ADRA1B: variants seen among roughly 807,000 people sequenced by gnomAD.
The protein encoded by ADRA1B is adrenoceptor alpha 1B.
ADRA1B carries 17 observed loss-of-function variants against 17.9 expected under a neutral mutation model. The observed-to-expected ratio is 0.95, with a 90% confidence interval of 0.65 to 1.42. The LOEUF is 1.42. Among genes scored for constraint, ADRA1B ranks in the 40% most tolerant of loss-of-function variants. The pLI, the probability that ADRA1B is intolerant of heterozygous loss-of-function variation, is 0.00. For synonymous variants in ADRA1B, 366 were observed against 327.6 expected, an observed-to-expected ratio of 1.12 and a Z score of -1.27; for missense variants, 681 against 722.1, an observed-to-expected ratio of 0.94 and a Z score of 0.65.
chr5:159,940,448 T>C (rs1755095966), intron 1 of ADRA1B, among the ~76,000 whole-genome samples: 1 of 152,110 alleles, frequency 6.6e-6, no homozygotes, highest in Non-Finnish European at 1.5e-5. Context: ...GAATCACCCT[T>C]ACTCCTGATG....
chr5:159,982,280 A>G, the ADRA1B span, among the ~76,000 whole-genome samples: 15 of 152,234 alleles, frequency 9.9e-5, no homozygotes, highest in South Asian at 2.1e-4. Context: ...GTCTTGACAG[A>G]GCTAATGAAA....
intron 1 of ADRA1B, among the ~76,000 whole-genome samples, chr5:159,901,616 T>C (rs1466348912): frequency 6.6e-6 from 1 of 152,196 alleles, no homozygotes; most frequent in Admixed American, 6.5e-5. Context: ...GGGCTTCTTG[T>C]TCATCTCAGC....
At chr5:159,983,638 C>T in the ADRA1B span, among the ~76,000 whole-genome samples, 7 of 152,164 alleles carry the variant, frequency 4.6e-5, no homozygotes, top group African/African-American at 1.7e-4. Flanking sequence ...TTGATTGTGT[C>T]TGCTGCATTA....
At chr5:159,928,861 G>A (rs1254127824) in intron 1 of ADRA1B, among the ~76,000 whole-genome samples, 1 of 152,152 alleles carries the variant, frequency 6.6e-6, no homozygotes, top group East Asian at 1.9e-4. Flanking sequence ...TGGGGAGGAG[G>A]AGGATCCACC....
chr5:159,970,196 T>C (rs1755843920), intron 1 of ADRA1B, among the ~76,000 whole-genome samples: 1 of 152,208 alleles, frequency 6.6e-6, no homozygotes, highest in African/African-American at 2.4e-5. Context: ...ATTATATTGA[T>C]TTATTTCCTT....
chr5:159,956,924 G>A lies in ADRA1B; in HGVS notation c.950-14955G>A, dbSNP rs553326175. On this transcript the variant is annotated intron_variant, in intron 1 of 1. Coordinates refer to ENST00000306675, the MANE Select transcript of ADRA1B (RefSeq NM_000679.4). ...GTCTTGCTCTGTCACCCAGGCTGGA[G>A]TGCAATGGTGCAATCTCGGCTCACT... Among the ~76,000 whole-genome samples, 317 of 152,148 alleles carry A rather than the reference G, an allele frequency of 2.1e-3. 3 individuals carry two copies. The highest frequency in any genetic ancestry group is 7.4e-3 in the African/African-American group (306 of 41,492).
the ADRA1B span, among the ~76,000 whole-genome samples, chr5:159,984,592 AT>A: frequency 6.6e-6 from 1 of 152,202 alleles, no homozygotes; most frequent in Non-Finnish European, 1.5e-5. Flanking sequence ...AGCTACCAGA[AT>A]GATCTCTTTG....
At chr5:159,976,353 C>A (rs996919556), downstream of ADRA1B, among the ~76,000 whole-genome samples, 1 of 151,986 alleles carries the variant, frequency 6.6e-6, no homozygotes, top group Non-Finnish European at 1.5e-5. Flanking sequence ...AAATTTATCA[C>A]GGAGTAAAAG....
Position 159,898,637 on chromosome 5 carries a change from G to A in ADRA1B, c.-255-17482G>A, listed in dbSNP as rs574338311. ...CAGTCACTATCTAAAGATTTTATCT[G>A]CATTTTTGCATTTAATCCTTAAAGC... is the stretch of plus-strand genomic sequence containing the variant. On this transcript the variant is annotated intron_variant, in intron 1 of 2. Transcript: ENST00000641205. Among the ~76,000 whole-genome samples, 16 of 152,280 alleles carry A rather than the reference G, an allele frequency of 1.1e-4. No individual in the cohort carries two copies. The South Asian group carries it at 3.1e-3, about 30-fold the overall frequency.
intron 1 of ADRA1B, among the ~76,000 whole-genome samples, chr5:159,895,467 C>T (rs1754031955): frequency 6.6e-6 from 1 of 152,190 alleles, no homozygotes; most frequent in East Asian, 1.9e-4. Context: ...GACAAGGGGA[C>T]ACCAAAGTTA....
At chr5:159,950,253 C>T (rs1755395053) in intron 1 of ADRA1B, among the ~76,000 whole-genome samples, 1 of 152,024 alleles carries the variant, frequency 6.6e-6, no homozygotes, top group South Asian at 2.1e-4. Flanking sequence ...AGTGATCTGC[C>T]CTTTTGGGTG....
intron 1 of ADRA1B, among the ~76,000 whole-genome samples, chr5:159,945,873 A>G (rs777935865): frequency 6.0e-4 from 91 of 151,322 alleles, no homozygotes; most frequent in Non-Finnish European, 1.2e-3. Context: ...TCAGCCTCCC[A>G]AGTAGCTGGG....
In ADRA1B at chr5:159,883,035, A is replaced by T. The variant is rs181838263; in HGVS notation, c.-256+17829A>T. Among the ~76,000 whole-genome samples, 3 of 152,286 alleles carry T rather than the reference A, an allele frequency of 2.0e-5. No individual in the cohort carries two copies. The East Asian group carries it at 5.8e-4, about 29-fold the overall frequency. The stretch of plus-strand genomic sequence containing the variant: ...ATGACCACCTCTTTACTGGCCACTG[A>T]CATTCTCTTGTGCCAGTTGCTGGTT... On this transcript the variant is annotated intron_variant, in intron 1 of 2. Coordinates refer to the ADRA1B transcript ENST00000641205.
At chr5:159,892,843 G>A (rs1167998829) in intron 1 of ADRA1B, among the ~76,000 whole-genome samples, 1 of 152,198 alleles carries the variant, frequency 6.6e-6, no homozygotes, top group East Asian at 1.9e-4. Flanking sequence ...CCTTTGGGCA[G>A]ATACCCAGTA....
At chr5:159,893,658 C>G (rs1754010442) in intron 1 of ADRA1B, among the ~76,000 whole-genome samples, 1 of 152,206 alleles carries the variant, frequency 6.6e-6, no homozygotes, top group Non-Finnish European at 1.5e-5. Flanking sequence ...TATTTCCTAG[C>G]TTTCTGCTGC....
chr5:159,947,769 T>A, intron 1 of ADRA1B: 1 of 985,412 alleles, frequency 1.0e-6, no homozygotes, highest in Non-Finnish European at 1.2e-6. Context: ...ACAATTTAAA[T>A]CTCTCCAGCC....
At chr5:159,883,533 C>T (rs923653430) in intron 1 of ADRA1B, among the ~76,000 whole-genome samples, 2 of 152,186 alleles carry the variant, frequency 1.3e-5, no homozygotes, top group African/African-American at 4.8e-5. Context: ...ACAGTCAGTG[C>T]CAACATGTTC....
At chr5:159,936,039 T>C (rs1754945656) in intron 1 of ADRA1B, among the ~76,000 whole-genome samples, 1 of 152,216 alleles carries the variant, frequency 6.6e-6, no homozygotes, top group Admixed American at 6.5e-5. Flanking sequence ...GCTAATTTTG[T>C]TGGGTGTTGC....
chr5:159,877,601 T>C (rs1753817333), intron 1 of ADRA1B, among the ~76,000 whole-genome samples: 1 of 152,166 alleles, frequency 6.6e-6, no homozygotes, highest in Admixed American at 6.5e-5. Context: ...AATCATTAAA[T>C]CACAGTCATC....
Sources: allele counts gnomAD v4.1 joint callset (sites outside exome capture counted in the v4.1 genomes callset), GRCh38; gene constraint gnomAD v4.1.1; transcripts MANE v1.5; gene names NCBI Gene and HGNC (gene_info 2026-07-23, HGNC 2026-07-21).